TCERG1L: variants seen among roughly 807,000 people sequenced by gnomAD.
TCERG1L encodes transcription elongation regulator 1 like, also known as transcription elongation regulator 1-like protein.
Under a neutral mutation model 56.3 loss-of-function variants are expected in TCERG1L, and 37 were observed. The observed-to-expected ratio is 0.66, with a 90% CI of 0.51 to 0.87. The LOEUF is 0.87. Ranked by LOEUF, TCERG1L falls within the 40% of genes least tolerant of loss-of-function variation. TCERG1L has a pLI of 0.00. For missense variants in TCERG1L, 799 were observed against 774.2 expected (o/e 1.03, Z -0.38); for synonymous variants, 324 against 326.3 (o/e 0.99, Z 0.08).
chr10:131,168,535 C>T (rs994440779), intron 4 of TCERG1L, among the ~76,000 whole-genome samples: 1 of 152,202 alleles, frequency 6.6e-6, no homozygotes, highest in Non-Finnish European at 1.5e-5. Flanking sequence ...CTAAGGCAGC[C>T]CAGACGTGAG....
At chr10:131,188,691 G>A (rs1467934608) in intron 4 of TCERG1L, among the ~76,000 whole-genome samples, 1 of 152,088 alleles carries the variant, frequency 6.6e-6, no homozygotes, top group Admixed American at 6.5e-5. Context: ...ATCTACACAT[G>A]GGCCATGACT....
rs750351933 is a variant in TCERG1L, at chr10:131,260,319, G to C, written c.796C>G (p.Pro266Ala). The C allele has an allele frequency of 6.9e-7, 1 of 1,455,914 alleles. No individual in the cohort carries two copies. Among genetic ancestry groups the C allele is most frequent in the Non-Finnish European group, 9.0e-7 (1 of 1,106,454 alleles). The allele number at this position is 1,455,914 out of a possible 1,614,324, so 90.2% of individuals were successfully genotyped here. A position where few individuals can be genotyped will look rare whatever the true frequency, so the allele number is the denominator to read the frequency against. Reference sequence around the variant, plus strand: ...GGTGCCAAGGTCAGGAAGTGGCGCGGCTGCACGCTGGAGGGGGACGGGCCC... The same window carrying C: ...GGTGCCAAGGTCAGGAAGTGGCGCGCCTGCACGCTGGAGGGGGACGGGCCC... Reference protein sequence around the residue: ...LRGPSPSSVQPRHFLTLAPIK... With the variant: ...LRGPSPSSVQARHFLTLAPIK... The change falls in exon 4 of 12, where the codon CCG (proline) becomes GCG (alanine). Residue 266 changes from proline (P) to alanine (A), a missense_variant. Physicochemically the swap from Pro to Ala is conservative, Grantham distance 27 (BLOSUM62 -1). Coordinates refer to ENST00000368642, the MANE Select transcript of TCERG1L (RefSeq NM_174937.4). This position sits in a 1 kb window ranked among gnomAD's most constrained non-coding sequence, Gnocchi z 5.8.
chr10:131,120,021 C>A (rs1845497596), intron 8 of TCERG1L, among the ~76,000 whole-genome samples: 1 of 152,126 alleles, frequency 6.6e-6, no homozygotes, highest in African/African-American at 2.4e-5. Context: ...GTCCCTCACG[C>A]CCAGGGTCCG....
At chr10:131,232,512 T>A (rs1845863688) in intron 4 of TCERG1L, among the ~76,000 whole-genome samples, 1 of 152,234 alleles carries the variant, frequency 6.6e-6, no homozygotes, top group South Asian at 2.1e-4. Context: ...ACTGAATCCA[T>A]CTCATGTGCT....
intron 4 of TCERG1L, among the ~76,000 whole-genome samples, chr10:131,182,631 T>A (rs1047425485): frequency 6.6e-6 from 1 of 152,226 alleles, no homozygotes; most frequent in Non-Finnish European, 1.5e-5. Context: ...GTGGTTATGG[T>A]AGCCTGTGAT....
chr10:131,282,649 GC>G (rs1217285820), intron 3 of TCERG1L, among the ~76,000 whole-genome samples: 1 of 152,082 alleles, frequency 6.6e-6, no homozygotes, highest in African/African-American at 2.4e-5. Context: ...TATCCCCCCA[GC>G]ACATATACCA....
intron 4 of TCERG1L, among the ~76,000 whole-genome samples, chr10:131,259,849 G>A (rs772078104): frequency 3.3e-4 from 50 of 152,338 alleles, no homozygotes; most frequent in Non-Finnish European, 4.9e-4. Context: ...AGCAGCACAC[G>A]GCTTGGCTCT....
chr10:131,298,367 T>C (rs1757118804), intron 3 of TCERG1L, among the ~76,000 whole-genome samples: 1 of 152,212 alleles, frequency 6.6e-6, no homozygotes, highest in Admixed American at 6.5e-5. Flanking sequence ...CCGGATATCC[T>C]TGTTACTGAT....
chr10:131,113,620 T>C (rs1845429816), intron 9 of TCERG1L, among the ~76,000 whole-genome samples: 1 of 141,804 alleles, frequency 7.1e-6, no homozygotes, highest in Admixed American at 6.9e-5. Context: ...CCTCACTCCA[T>C]TGCAGACGTG....
At chr10:131,241,157 T>C (rs1845967054) in intron 4 of TCERG1L, among the ~76,000 whole-genome samples, 1 of 150,838 alleles carries the variant, frequency 6.6e-6, no homozygotes, top group Non-Finnish European at 1.5e-5. Flanking sequence ...ATCCGGAGAG[T>C]GGAGGAGCCG....
At chr10:131,147,106 C>T (rs1233819573) in intron 6 of TCERG1L, among the ~76,000 whole-genome samples, 1 of 152,152 alleles carries the variant, frequency 6.6e-6, no homozygotes, top group African/African-American at 2.4e-5. Flanking sequence ...TCAAGCAATG[C>T]GCACGGCCAC....
chr10:131,246,613 C>G (rs1297611453), intron 4 of TCERG1L, among the ~76,000 whole-genome samples: 2 of 87,472 alleles, frequency 2.3e-5, no homozygotes, highest in Admixed American at 2.8e-4. Flanking sequence ...TGCCCCACCG[C>G]ACCCCACCCC....
chr10:131,100,664 A>C (rs1845296001), intron 10 of TCERG1L, among the ~76,000 whole-genome samples: 1 of 152,098 alleles, frequency 6.6e-6, no homozygotes, highest in African/African-American at 2.4e-5. Flanking sequence ...GTGTAGGATC[A>C]CCCTCTTCTC....
intron 4 of TCERG1L, among the ~76,000 whole-genome samples, chr10:131,228,488 C>T (rs1845817282): frequency 4.4e-5 from 1 of 22,848 alleles, no homozygotes; most frequent in African/African-American, 2.0e-4. Context: ...TCCAGACAGG[C>T]ATTTCCTCAA....
chr10:131,218,020 G>A (rs760356160), intron 4 of TCERG1L, among the ~76,000 whole-genome samples: 6 of 152,076 alleles, frequency 3.9e-5, no homozygotes, highest in African/African-American at 7.2e-5. Context: ...CAACGCACCC[G>A]GCTGTAGCTG....
intron 4 of TCERG1L, among the ~76,000 whole-genome samples, chr10:131,174,691 A>C (rs751307335): frequency 3.3e-5 from 5 of 152,222 alleles, no homozygotes; most frequent in Non-Finnish European, 7.3e-5. Context: ...CAAGCTGCAG[A>C]GAATTAATTT....
chr10:131,199,028 G>A (rs924379329), intron 4 of TCERG1L, among the ~76,000 whole-genome samples: 8 of 152,288 alleles, frequency 5.3e-5, no homozygotes, highest in Non-Finnish European at 1.2e-4. Context: ...GCAGCCCTGC[G>A]CAGTGAGCCC....
chr10:131,212,662 C>T (rs962644876), intron 4 of TCERG1L, among the ~76,000 whole-genome samples: 4 of 152,198 alleles, frequency 2.6e-5, no homozygotes, highest in Admixed American at 2.0e-4. Context: ...ATCCACAAGT[C>T]TACAGTTCCA....
intron 4 of TCERG1L, among the ~76,000 whole-genome samples, chr10:131,231,829 A>AG (rs1169585792): frequency 1.3e-5 from 2 of 152,148 alleles, no homozygotes; most frequent in Admixed American, 6.5e-5. Context: ...TGTGGGGACA[A>AG]GGGGGGCTCT....
Sources: allele counts gnomAD v4.1 joint callset (sites outside exome capture counted in the v4.1 genomes callset), GRCh38; gene constraint gnomAD v4.1.1; non-coding constraint Gnocchi (gnomAD v3.1); transcripts MANE v1.5; gene names NCBI Gene and HGNC (gene_info 2026-07-23, HGNC 2026-07-21).